Variants in FRMD6 observed in about 807,000 individuals in gnomAD.
FRMD6 encodes the protein FERM domain containing 6.
FRMD6 carries 37 observed loss-of-function variants against 73.2 expected under a neutral mutation model. The ratio of observed to expected loss-of-function variants is 0.51; its 90% confidence interval spans 0.39 to 0.66. The LOEUF is 0.66. Ranked by LOEUF, FRMD6 falls within the 30% of genes least tolerant of loss-of-function variation. The pLI is 0.00. For synonymous variants in FRMD6, 273 were observed against 282.2 expected, an observed-to-expected ratio of 0.97 and a Z score of 0.33; for missense variants, 714 against 780.5, an observed-to-expected ratio of 0.91 and a Z score of 1.02.
chr14:51,672,952 G>A (rs1014625541), intron 1 of FRMD6, among the ~76,000 whole-genome samples: 3 of 152,238 alleles, frequency 2.0e-5, no homozygotes, highest in South Asian at 4.2e-4. Context: ...CCTTATTCTA[G>A]CATGTAAGTA....
At chr14:51,709,537 C>G (rs1269444925) in intron 7 of FRMD6, among the ~76,000 whole-genome samples, 2 of 152,122 alleles carry the variant, frequency 1.3e-5, no homozygotes, top group African/African-American at 4.8e-5. Flanking sequence ...GTTCAGAAAA[C>G]TTAAGGGACC....
intron 2 of FRMD6, among the ~76,000 whole-genome samples, chr14:51,601,743 A>AG (rs56730354): frequency 0.088 from 13,386 of 152,310 alleles, 781 homozygotes; most frequent in African/African-American, 0.15. Flanking sequence ...GAAGAAGGCA[A>AG]GGTCCTATGT....
At chr14:51,592,094 T>C (rs1594567514) in intron 2 of FRMD6, among the ~76,000 whole-genome samples, 1 of 152,354 alleles carries the variant, frequency 6.6e-6, no homozygotes, top group East Asian at 1.9e-4. Context: ...GAGTTGGAAT[T>C]ACAGCTGGTT....
chr14:51,607,812 C>T (rs776595610), intron 2 of FRMD6, among the ~76,000 whole-genome samples: 8 of 152,190 alleles, frequency 5.3e-5, no homozygotes, highest in Non-Finnish European at 1.0e-4. Context: ...GCCCCTTTCC[C>T]GGTTTCTGCC....
At chr14:51,466,307 G>T in the FRMD6 span, among the ~76,000 whole-genome samples, 1 of 152,096 alleles carries the variant, frequency 6.6e-6, no homozygotes, top group East Asian at 1.9e-4. Context: ...CATGCTTTTT[G>T]AGTCCTGAGA....
the FRMD6 span, chr14:51,436,690 G>C: frequency 9.5e-6 from 5 of 527,334 alleles, no homozygotes; most frequent in East Asian, 1.2e-4. Context: ...AGTTAGGAGA[G>C]GTCATCAAAG....
chr14:51,471,530 C>G, the FRMD6 span, among the ~76,000 whole-genome samples: 1 of 151,766 alleles, frequency 6.6e-6, no homozygotes, highest in Non-Finnish European at 1.5e-5. Flanking sequence ...TGATGTCTTC[C>G]TGATGAATTA....
At chr14:51,551,533 A>G (rs897175081) in intron 1 of FRMD6, among the ~76,000 whole-genome samples, 9 of 152,108 alleles carry the variant, frequency 5.9e-5, no homozygotes, top group African/African-American at 1.9e-4. Flanking sequence ...TCAGGAGTTC[A>G]AGACCAGCCT....
intron 1 of FRMD6, among the ~76,000 whole-genome samples, chr14:51,657,959 C>T (rs998176621): frequency 1.3e-5 from 2 of 152,122 alleles, no homozygotes; most frequent in Non-Finnish European, 2.9e-5. Context: ...CTGATGACAG[C>T]GCCAGTAGTA....
At chr14:51,436,753 T>C in the FRMD6 span, 12 of 538,150 alleles carry the variant, frequency 2.2e-5, no homozygotes, top group Non-Finnish European at 2.7e-5. Context: ...ATATGGATGA[T>C]GAAGAAGGAG....
At chr14:51,691,366 A>G (rs1464482712) in intron 2 of FRMD6, among the ~76,000 whole-genome samples, 7 of 152,138 alleles carry the variant, frequency 4.6e-5, no homozygotes, top group Non-Finnish European at 1.0e-4. Flanking sequence ...ATTGTGAATC[A>G]TAGGTTACAC....
intron 1 of FRMD6, among the ~76,000 whole-genome samples, chr14:51,492,077 T>C (rs958605299): frequency 1.3e-5 from 2 of 152,228 alleles, no homozygotes; most frequent in Non-Finnish European, 2.9e-5. Context: ...CAGGAACATA[T>C]GTTTGACTTC....
chr14:51,670,891 C>T lies in FRMD6; in HGVS notation c.-146-18800C>T, dbSNP rs1167533622. The stretch of plus-strand genomic sequence containing the variant: ...CGAATTCCTGACCTCAGGTGATCCA[C>T]CTGCCTCGGCCTCCCAAAATGGTGG... On this transcript the variant is annotated intron_variant, in intron 1 of 13. Coordinates refer to ENST00000344768, the MANE Select transcript of FRMD6 (RefSeq NM_001267046.2). 2.6e-5 allele frequency among the ~76,000 whole-genome samples: 4 copies of T among 152,228 alleles called. No individual in the cohort carries two copies. In the East Asian group the frequency reaches 5.8e-4, roughly 22 times the overall value.
chr14:51,594,306 T>TTATTTTTATTTA (rs369251190), intron 2 of FRMD6, among the ~76,000 whole-genome samples: 2 of 142,996 alleles, frequency 1.4e-5, no homozygotes, highest in African/African-American at 5.3e-5. Flanking sequence ...TGTATTTTAT[T>TTATTTTTATTTA]TTTATTTATT....
the FRMD6 span, among the ~76,000 whole-genome samples, chr14:51,449,527 A>G: frequency 1.3e-5 from 2 of 152,176 alleles, no homozygotes; most frequent in Non-Finnish European, 2.9e-5. Flanking sequence ...GTTCCAGAGA[A>G]GGCCATCTGA....
the FRMD6 span, among the ~76,000 whole-genome samples, chr14:51,421,201 G>T: frequency 0.013 from 1,972 of 152,242 alleles, 41 homozygotes; most frequent in African/African-American, 0.045. Context: ...ATTTTGCAAG[G>T]CTTTAGGAGA....
chr14:51,402,004 C>T, the FRMD6 span, among the ~76,000 whole-genome samples: 2 of 152,128 alleles, frequency 1.3e-5, no homozygotes, highest in African/African-American at 2.4e-5. Context: ...TGGGCCAAAA[C>T]GAGGGAATCT....
At chr14:51,537,299 T>C (rs1308233723) in intron 1 of FRMD6, among the ~76,000 whole-genome samples, 1 of 152,212 alleles carries the variant, frequency 6.6e-6, no homozygotes, top group Non-Finnish European at 1.5e-5. Flanking sequence ...GTAATATACA[T>C]TGAAGTTTCC....
intron 1 of FRMD6, among the ~76,000 whole-genome samples, chr14:51,545,309 A>G (rs1318163774): frequency 1.3e-5 from 2 of 152,048 alleles, no homozygotes; most frequent in Non-Finnish European, 2.9e-5. Flanking sequence ...AGAAAGGAGT[A>G]CAGAGGTTGA....
Sources: gnomAD v4.1 joint callset for allele counts (sites outside exome capture counted in the v4.1 genomes callset) on GRCh38, gnomAD v4.1.1 for gene constraint, MANE v1.5 for transcripts, NCBI Gene and HGNC (gene_info 2026-07-23, HGNC 2026-07-21) for gene names.